Variants in PRIMA1 observed in about 807,000 individuals in gnomAD.
PRIMA1 encodes the protein proline rich membrane anchor 1.
Under a neutral mutation model 17.5 loss-of-function variants are expected in PRIMA1, and 7 were observed. The ratio of observed to expected loss-of-function variants is 0.40; its 90% CI spans 0.23 to 0.75. PRIMA1 has a LOEUF of 0.75. Among genes scored for constraint, PRIMA1 ranks in the 30% least tolerant of loss-of-function variants. The probability of loss-of-function intolerance (pLI) is 0.37; values close to 1 mark genes in which losing one functional copy is unlikely to be tolerated. For missense variants in PRIMA1, 200 were observed against 201.8 expected, an observed-to-expected ratio of 0.99 and a Z score of 0.05; for synonymous variants, 97 against 77.9, an observed-to-expected ratio of 1.25 and a Z score of -1.29.
At chr14:93,733,520 C>T (rs1355516529) in intron 4 of PRIMA1, among the ~76,000 whole-genome samples, 2 of 152,180 alleles carry the variant, frequency 1.3e-5, no homozygotes, top group Non-Finnish European at 2.9e-5. Context: ...CTGACACCCC[C>T]AGGTGCCAAG....
At chr14:93,775,929 C>G (rs1885205829) in intron 3 of PRIMA1, among the ~76,000 whole-genome samples, 1 of 152,236 alleles carries the variant, frequency 6.6e-6, no homozygotes, top group African/African-American at 2.4e-5. Flanking sequence ...CCAGCATACT[C>G]TATCCCATAA....
chr14:93,787,851 CA>C (rs1388968329), intron 1 of PRIMA1, 102 bp from the exon 2 acceptor site: 1 of 1,323,694 alleles, frequency 7.6e-7, no homozygotes, highest in Non-Finnish European at 1.0e-6. Flanking sequence ...GCACGCCCCG[CA>C]CCCAGGGGCA....
At chr14:93,766,563 G>GCT (rs1436342808) in intron 3 of PRIMA1, among the ~76,000 whole-genome samples, 20 of 152,234 alleles carry the variant, frequency 1.3e-4, no homozygotes, top group African/African-American at 4.6e-4. Flanking sequence ...TCAACCACGG[G>GCT]ACAGAGCTGG....
chr14:93,733,565 G>A (rs1476258991), intron 4 of PRIMA1, among the ~76,000 whole-genome samples: 3 of 152,030 alleles, frequency 2.0e-5, no homozygotes, highest in Admixed American at 6.6e-5. Flanking sequence ...TGACCTACCC[G>A]ATTCTAGAAA....
At chr14:93,771,255 T>C (rs997502603) in intron 3 of PRIMA1, among the ~76,000 whole-genome samples, 1 of 152,150 alleles carries the variant, frequency 6.6e-6, no homozygotes, top group African/African-American at 2.4e-5. Context: ...AATTCCCCAC[T>C]GTTTCAATAT....
At chr14:93,741,768 A>C (rs1255092844) in intron 3 of PRIMA1, among the ~76,000 whole-genome samples, 1 of 152,160 alleles carries the variant, frequency 6.6e-6, no homozygotes, top group Non-Finnish European at 1.5e-5. Flanking sequence ...AGACAATCAG[A>C]GAGTGCCAAG....
At chr14:93,765,988 A>C (rs985672622) in intron 3 of PRIMA1, among the ~76,000 whole-genome samples, 1 of 152,202 alleles carries the variant, frequency 6.6e-6, no homozygotes, top group African/African-American at 2.4e-5. Flanking sequence ...ACTGAACCCA[A>C]CATGAAGCTG....
intron 3 of PRIMA1, among the ~76,000 whole-genome samples, chr14:93,762,247 G>A (rs779056566): frequency 8.1e-4 from 123 of 152,102 alleles, no homozygotes; most frequent in Non-Finnish European, 1.4e-3. Context: ...GATAGTGCTC[G>A]TCTCCCACCC....
rs141185755 is a variant in PRIMA1 at position 93,763,190 on chromosome 14, A to G, written c.229+15986T>C. ...AGGCTCCTAGTATACAGAAATGCTC[A>G]AGAAATGTTTGATCGAATAAAAGTC... On this transcript the variant is annotated intron_variant, in intron 3 of 4. Transcript: ENST00000393140. Among the ~76,000 whole-genome samples, 168 of 152,266 alleles carry G rather than the reference A, an allele frequency of 1.1e-3. 1 individual carries two copies. Among genetic ancestry groups the G allele is most frequent in the African/African-American group, 3.6e-3 (149 of 41,542 alleles).
chr14:93,736,125 C>T (rs1172767072), intron 4 of PRIMA1, among the ~76,000 whole-genome samples: 1 of 152,240 alleles, frequency 6.6e-6, no homozygotes, highest in African/African-American at 2.4e-5. Flanking sequence ...CCCTCTCCCA[C>T]ATCCCTGAGG....
At chr14:93,749,951 C>A (rs560825460) in intron 3 of PRIMA1, among the ~76,000 whole-genome samples, 1 of 152,150 alleles carries the variant, frequency 6.6e-6, no homozygotes, top group Non-Finnish European at 1.5e-5. Context: ...GAGGCCTAGG[C>A]GGGCAGATCA....
chr14:93,721,568 A>G, intron 4 of PRIMA1, 22 bp from the exon 5 acceptor site: 1 of 1,515,714 alleles, frequency 6.6e-7, no homozygotes. Context: ...GGGAGGGGAC[A>G]GGAAAGGCAA....
rs376368903 is a variant in PRIMA1 at position 93,761,191 on chromosome 14, CA to C, written c.229+17984del. ...CGAAACCCTGTCTCTACTAAAAATACAAAAAAAAAATTAGCTGGGCATGATG... is the reference window on the plus strand; with the variant it reads ...CGAAACCCTGTCTCTACTAAAAATACAAAAAAAAATTAGCTGGGCATGATG... On this transcript the variant is annotated intron_variant, in intron 3 of 4. Coordinates refer to ENST00000393140, the MANE Select transcript of PRIMA1 (RefSeq NM_178013.4). Among the ~76,000 whole-genome samples, 1,443 of 149,508 alleles carry C rather than the reference CA, an allele frequency of 9.7e-3. 19 individuals carry two copies. The highest frequency in any genetic ancestry group is 0.033 in the African/African-American group (1,334 of 40,878).
rs559861930 is a variant in PRIMA1 at position 93,782,032 on chromosome 14, C to T, written c.94-2721G>A. Among the ~76,000 whole-genome samples the T allele has an allele frequency of 1.1e-4, 17 of 151,728 alleles. No homozygotes were observed. In the South Asian group the frequency reaches 1.5e-3, roughly 13 times the overall value. Reference sequence around the variant, plus strand: ...CCTGTAATCCCAGCACTTTGGGAGGCCAAGGCAGGCGGATCACGAGGTCAG... The same window carrying T: ...CCTGTAATCCCAGCACTTTGGGAGGTCAAGGCAGGCGGATCACGAGGTCAG... On this transcript the variant is annotated intron_variant, in intron 2 of 4. Coordinates refer to ENST00000393140, the MANE Select transcript of PRIMA1 (RefSeq NM_178013.4).
rs534739911 is a variant in PRIMA1, at chr14:93,726,279, T to C, written c.360-4733A>G. ...GGACCCAGGTACCCCTCTTAGGCCC[T>C]GCTGATCATGATGTGACAGCCTCCC... On this transcript the variant is annotated intron_variant, in intron 4 of 4. Transcript: ENST00000393140. This position sits in a 1 kb window ranked among gnomAD's most constrained non-coding sequence, Gnocchi z 4.2. 2.8e-4 allele frequency among the ~76,000 whole-genome samples: 43 copies of C among 152,314 alleles called. No homozygotes were observed. Among genetic ancestry groups the C allele is most frequent in the African/African-American group, 1.0e-3 (43 of 41,578 alleles).
At chr14:93,775,017 T>C (rs1245488629) in intron 3 of PRIMA1, among the ~76,000 whole-genome samples, 3 of 152,242 alleles carry the variant, frequency 2.0e-5, no homozygotes, top group Non-Finnish European at 2.9e-5. Context: ...TGCCAAGTCC[T>C]TGGCCTTTCA....
intron 3 of PRIMA1, among the ~76,000 whole-genome samples, chr14:93,777,538 A>G (rs529187072): frequency 6.6e-6 from 1 of 152,178 alleles, no homozygotes; most frequent in East Asian, 1.9e-4. Flanking sequence ...GGGTTTCACC[A>G]TGTTGGCCAG....
intron 3 of PRIMA1, among the ~76,000 whole-genome samples, chr14:93,762,089 A>G (rs1884749861): frequency 6.6e-6 from 1 of 151,356 alleles, no homozygotes; most frequent in Admixed American, 6.6e-5. Flanking sequence ...CTGGGCGGTA[A>G]TGTGGAAGCC....
At chr14:93,788,586 C>G (rs963258293), upstream of PRIMA1, 1 of 152,266 alleles carries the variant, frequency 6.6e-6, no homozygotes, top group African/African-American at 2.4e-5. Flanking sequence ...CGCGGGCGCC[C>G]GGGGGCTTCA....
Sources: gnomAD v4.1 joint callset for allele counts (sites outside exome capture counted in the v4.1 genomes callset) on GRCh38, gnomAD v4.1.1 for gene constraint, Gnocchi (gnomAD v3.1) non-coding constraint, MANE v1.5 for transcripts, NCBI Gene and HGNC (gene_info 2026-07-23, HGNC 2026-07-21) for gene names.